The following CCM2 variants were observed in gnomAD, a reference collection of about 807,000 sequenced individuals.
The protein encoded by CCM2 is cerebral cavernous malformations 2 protein.
A neutral mutation model predicts 44.9 loss-of-function variants in CCM2; 25 were observed. That is an observed-to-expected ratio of 0.56 (90% CI 0.41 to 0.78). The LOEUF is 0.78. Among genes scored for constraint, CCM2 ranks in the 30% least tolerant of loss-of-function variants. The pLI is 0.00. For missense variants in CCM2, 481 were observed against 580.6 expected (o/e 0.83, Z 1.76); for synonymous variants, 219 against 241.1 (o/e 0.91, Z 0.85).
chr7:45,035,954 A>G (rs1797198603), intron 1 of CCM2, among the ~76,000 whole-genome samples: 1 of 152,194 alleles, frequency 6.6e-6, no homozygotes, highest in Non-Finnish European at 1.5e-5. Context: ...ACGTGCTCAG[A>G]ACTTTATGTA....
chr7:45,067,067 A>G (rs1393291104), intron 4 of CCM2, among the ~76,000 whole-genome samples: 1 of 151,722 alleles, frequency 6.6e-6, no homozygotes, highest in Non-Finnish European at 1.5e-5. Context: ...CGCCTGGCTA[A>G]TTTTTTGTAT....
chr7:45,003,085 T>A (rs1199222371), intron 1 of CCM2, among the ~76,000 whole-genome samples: 4 of 151,952 alleles, frequency 2.6e-5, no homozygotes, highest in Non-Finnish European at 5.9e-5. Flanking sequence ...TGTAATTCCT[T>A]TTTTTTTGAG....
intron 5 of CCM2, among the ~76,000 whole-genome samples, chr7:45,069,091 G>GC (rs1390052308): frequency 6.6e-6 from 1 of 152,252 alleles, no homozygotes; most frequent in Non-Finnish European, 1.5e-5. Context: ...AGGATTTGGG[G>GC]CCCCCTCAGC....
intron 1 of CCM2, among the ~76,000 whole-genome samples, chr7:45,013,933 T>A (rs1417477241): frequency 2.6e-5 from 4 of 152,186 alleles, no homozygotes; most frequent in Admixed American, 2.6e-4. Flanking sequence ...ATTTGTCCCA[T>A]GTTGGTGATG....
intron 1 of CCM2, chr7:45,027,569 T>C: frequency 6.5e-7 from 1 of 1,549,642 alleles, no homozygotes; most frequent in Admixed American, 1.9e-5. Context: ...TTTAAACTTT[T>C]AAAAAATTGT....
Position 45,042,373 on chromosome 7 carries a change from A to G in CCM2, c.204+3947A>G, listed in dbSNP as rs1385668257. On this transcript the variant is annotated intron_variant, in intron 2 of 9. Transcript: ENST00000258781. ...AGAGGAGAAAGAGGGAAGGGCTGAA[A>G]AACTTTTCAAAGATCTTATGGGTTG... Among the ~76,000 whole-genome samples the G allele has an allele frequency of 2.0e-5, 3 of 152,290 alleles. No individual in the cohort carries two copies. The South Asian group carries it at 6.2e-4, about 32-fold the overall frequency.
At chr7:45,024,997 C>T (rs1041750432) in intron 1 of CCM2, among the ~76,000 whole-genome samples, 1 of 152,142 alleles carries the variant, frequency 6.6e-6, no homozygotes, top group Non-Finnish European at 1.5e-5. Flanking sequence ...CTGTTAGACT[C>T]GATGGACCCA....
intron 1 of CCM2, chr7:45,027,655 AG>A (rs1796749591): frequency 6.2e-7 from 1 of 1,613,798 alleles, no homozygotes; most frequent in Non-Finnish European, 8.5e-7. Flanking sequence ...TTTCAGAGGG[AG>A]GGCTAACATC....
rs148282198 is a variant in CCM2, at chr7:45,031,021, G to T, written c.31-7232G>T. ...TTACAGGCGTGAGTCATTGCACCTG[G>T]CCTCGATTTATTTTTTAACTAGAAC... On this transcript the variant is annotated intron_variant, in intron 1 of 9. Coordinates refer to ENST00000258781, the MANE Select transcript of CCM2 (RefSeq NM_031443.4). Among the ~76,000 whole-genome samples the T allele has an allele frequency of 4.4e-3, 663 of 152,194 alleles. 4 individuals are homozygous for T. The highest frequency in any genetic ancestry group is 7.0e-3 in the Non-Finnish European group (477 of 68,000).
chr7:45,034,517 T>C (rs1372110814), intron 1 of CCM2, among the ~76,000 whole-genome samples: 1 of 133,406 alleles, frequency 7.5e-6, no homozygotes, highest in African/African-American at 3.0e-5. Context: ...CTGGCCTTTT[T>C]TTTTTTTTTT....
upstream of CCM2, chr7:44,999,920 G>T (rs1157558765): frequency 3.2e-6 from 1 of 316,380 alleles, no homozygotes; most frequent in Admixed American, 3.9e-5. Context: ...TCTCCTGAAG[G>T]ACGCGGGGCG....
intron 1 of CCM2, among the ~76,000 whole-genome samples, chr7:45,003,242 A>G (rs1181420671): frequency 6.6e-6 from 1 of 151,840 alleles, no homozygotes; most frequent in Non-Finnish European, 1.5e-5. Flanking sequence ...TGCCCAGCTA[A>G]TTTTTGTATT....
chr7:45,031,765 G>A (rs189667552), intron 1 of CCM2, among the ~76,000 whole-genome samples: 202 of 152,034 alleles, frequency 1.3e-3, no homozygotes, highest in Non-Finnish European at 2.2e-3. Flanking sequence ...AAAAGATGAG[G>A]TCTCACCCTG....
intron 1 of CCM2, among the ~76,000 whole-genome samples, chr7:45,036,102 C>G (rs1797205342): frequency 1.3e-5 from 2 of 152,226 alleles, no homozygotes; most frequent in Admixed American, 1.3e-4. Context: ...TGCCTAGGAC[C>G]TGAGGAACAT....
intron 2 of CCM2, among the ~76,000 whole-genome samples, chr7:45,058,649 G>A (rs1303330751): frequency 6.6e-6 from 1 of 152,028 alleles, no homozygotes; most frequent in Non-Finnish European, 1.5e-5. Context: ...ATTAGTTCAG[G>A]AAGTCTCTAT....
At chr7:45,003,194 G>C (rs1299700999) in intron 1 of CCM2, among the ~76,000 whole-genome samples, 1 of 152,074 alleles carries the variant, frequency 6.6e-6, no homozygotes, top group Non-Finnish European at 1.5e-5. Flanking sequence ...TCTTGCCTCA[G>C]CCTCCCGAGT....
chr7:45,013,114 C>CT (rs1177864879), intron 1 of CCM2, among the ~76,000 whole-genome samples: 1 of 151,950 alleles, frequency 6.6e-6, no homozygotes, highest in East Asian at 1.9e-4. Flanking sequence ...TTGCTACTGG[C>CT]TTTTTTGCTG....
At chr7:45,036,078 C>T (rs184883123) in intron 1 of CCM2, among the ~76,000 whole-genome samples, 65 of 152,148 alleles carry the variant, frequency 4.3e-4, no homozygotes, top group Admixed American at 9.2e-4. Flanking sequence ...CAATGCATGC[C>T]GGAGCAGAGA....
upstream of CCM2, among the ~76,000 whole-genome samples, chr7:45,000,026 C>T (rs1317755557): frequency 6.6e-6 from 1 of 151,966 alleles, no homozygotes; most frequent in Non-Finnish European, 1.5e-5. Flanking sequence ...GCGGGGCCAA[C>T]GGGCCGTGTT....
Sources: allele counts gnomAD v4.1 joint callset (sites outside exome capture counted in the v4.1 genomes callset), GRCh38; gene constraint gnomAD v4.1.1; transcripts MANE v1.5; gene names NCBI Gene and HGNC (gene_info 2026-07-23, HGNC 2026-07-21).